Variants in GRIK4 observed in about 807,000 individuals in gnomAD.
GRIK4 encodes glutamate ionotropic receptor kainate type subunit 4, also known as glutamate receptor ionotropic, kainate 4.
A neutral mutation model predicts 104.9 loss-of-function variants in GRIK4; 40 were observed. The ratio of observed to expected loss-of-function variants is 0.38; its 90% CI spans 0.30 to 0.50. GRIK4 has a LOEUF of 0.50. GRIK4 is among the 20% of genes least tolerant of loss of function. The probability of loss-of-function intolerance (pLI) is 0.93; values close to 1 mark genes in which losing one functional copy is unlikely to be tolerated. For synonymous variants in GRIK4, 485 were observed against 524.9 expected, an observed-to-expected ratio of 0.92 and a Z score of 1.04; for missense variants, 1,047 against 1,308.1, an observed-to-expected ratio of 0.80 and a Z score of 3.08.
intron 3 of GRIK4, among the ~76,000 whole-genome samples, chr11:120,725,222 C>T (rs576729185): frequency 6.6e-6 from 1 of 152,246 alleles, no homozygotes; most frequent in East Asian, 1.9e-4. Flanking sequence ...AGCTGGTCTC[C>T]ATATCCAGCA....
Position 120,967,085 on chromosome 11 carries a change from C to G in GRIK4, c.2267-110C>G, listed in dbSNP as rs919544839. The G allele has an allele frequency of 8.9e-6, 11 of 1,235,418 alleles. No individual in the cohort carries two copies. Among genetic ancestry groups the G allele is most frequent in the African/African-American group, 7.5e-5 (5 of 66,520 alleles). The allele number at this position is 1,235,418 out of a possible 1,614,324, so 76.5% of individuals were successfully genotyped here. ...CCCGCTGCATCTGTCTGTCCCCTCT[C>G]GAGGTGAAAGCAGGCAGGGTGGCCA... On this transcript the variant is annotated intron_variant, in intron 18 of 20. Coordinates refer to ENST00000527524, the MANE Select transcript of GRIK4 (RefSeq NM_014619.5). The surrounding 1 kb of genome is among the most constrained non-coding windows in gnomAD (Gnocchi z 4.2).
chr11:120,517,483 G>A (rs979361305), intron 1 of GRIK4, among the ~76,000 whole-genome samples: 1 of 148,532 alleles, frequency 6.7e-6, no homozygotes, highest in Non-Finnish European at 1.5e-5. Context: ...TGAGGCAAAC[G>A]GTGCCCCCGC....
chr11:120,711,099 C>T (rs1166286607), intron 3 of GRIK4, among the ~76,000 whole-genome samples: 1 of 152,024 alleles, frequency 6.6e-6, no homozygotes, highest in Non-Finnish European at 1.5e-5. Context: ...CAGTGAGCTC[C>T]AAGTCAGTGT....
At chr11:120,985,380 T>G (rs1944725070) in intron 20 of GRIK4, among the ~76,000 whole-genome samples, 1 of 152,188 alleles carries the variant, frequency 6.6e-6, no homozygotes, top group Non-Finnish European at 1.5e-5. Flanking sequence ...GTTTTGGTTA[T>G]CATGAGGATA....
At chr11:120,970,144 C>T (rs557656536) in intron 19 of GRIK4, among the ~76,000 whole-genome samples, 30 of 152,320 alleles carry the variant, frequency 2.0e-4, no homozygotes, top group African/African-American at 6.5e-4. Context: ...GTCATGCTAA[C>T]GTGACTCATG....
chr11:120,650,623 TG>T (rs1949604511), intron 1 of GRIK4, among the ~76,000 whole-genome samples: 1 of 152,242 alleles, frequency 6.6e-6, no homozygotes, highest in Non-Finnish European at 1.5e-5. Context: ...TCAAGACACC[TG>T]AATATCTGAT....
At chr11:120,780,105 A>G (rs902648266) in intron 3 of GRIK4, among the ~76,000 whole-genome samples, 4 of 152,244 alleles carry the variant, frequency 2.6e-5, no homozygotes, top group African/African-American at 9.6e-5. Context: ...CAAATGAGAC[A>G]CATGTGTGAA....
In GRIK4 at chr11:120,962,580, T is replaced by A. The variant is rs1378959727; in HGVS notation, c.2165T>A (p.Leu722Gln). ...RVLNSNYAFL[L>Q]ESTMNEYYRQ... ...TTGAATTCCAACTACGCCTTCCTCC[T>A]GGAATCCACCATGAACGAGTACTAT... The change falls in exon 18 of 21, where the codon CTG becomes CAG. Residue 722 changes from leucine (L) to glutamine (Q), a missense_variant. Coordinates refer to ENST00000527524, the MANE Select transcript of GRIK4 (RefSeq NM_014619.5). 3 of 1,614,106 alleles carry A rather than the reference T, an allele frequency of 1.9e-6. No homozygotes were observed.
chr11:120,710,333 C>T (rs927065418), intron 3 of GRIK4, among the ~76,000 whole-genome samples: 1 of 152,120 alleles, frequency 6.6e-6, no homozygotes, highest in Non-Finnish European at 1.5e-5. Flanking sequence ...GGCCGAGTCA[C>T]CGGGAGGTTA....
At chr11:120,920,365 C>A (rs189728252) in intron 13 of GRIK4, among the ~76,000 whole-genome samples, 162 of 152,246 alleles carry the variant, frequency 1.1e-3, no homozygotes, top group African/African-American at 3.7e-3. Flanking sequence ...AGCTCCTCAG[C>A]CTCACCCACC....
chr11:120,964,699 A>C (rs1944352902), intron 18 of GRIK4, among the ~76,000 whole-genome samples: 1 of 152,190 alleles, frequency 6.6e-6, no homozygotes. Flanking sequence ...CCAAGGAAAA[A>C]TGGAAGGAAA....
At chr11:120,984,241 A>AT (rs1335445083) in intron 20 of GRIK4, among the ~76,000 whole-genome samples, 1 of 152,224 alleles carries the variant, frequency 6.6e-6, no homozygotes, top group Non-Finnish European at 1.5e-5. Flanking sequence ...CATTGGTAGA[A>AT]TTGGACGAAA....
At chr11:120,937,599 A>G (rs1335937283) in intron 13 of GRIK4, among the ~76,000 whole-genome samples, 1 of 152,102 alleles carries the variant, frequency 6.6e-6, no homozygotes, top group Non-Finnish European at 1.5e-5. Context: ...GGAAAGAAAG[A>G]CTGGGACTGG....
intron 1 of GRIK4, among the ~76,000 whole-genome samples, chr11:120,626,632 G>T (rs1053626437): frequency 3.3e-5 from 5 of 152,066 alleles, no homozygotes; most frequent in Admixed American, 3.3e-4. Context: ...TTTCCCCAGG[G>T]AACAGTAGTC....
At chr11:120,948,334 A>G (rs1943914244) in intron 14 of GRIK4, among the ~76,000 whole-genome samples, 1 of 152,156 alleles carries the variant, frequency 6.6e-6, no homozygotes, top group African/African-American at 2.4e-5. Flanking sequence ...CTGGGAGGGG[A>G]TAGAGTTTCA....
At chr11:120,585,805 T>G (rs1041864535) in intron 1 of GRIK4, among the ~76,000 whole-genome samples, 1 of 152,048 alleles carries the variant, frequency 6.6e-6, no homozygotes, top group Non-Finnish European at 1.5e-5. Flanking sequence ...GATACGTTTT[T>G]GAGATAAGGA....
intron 5 of GRIK4, among the ~76,000 whole-genome samples, chr11:120,815,893 C>A (rs1282937431): frequency 6.6e-6 from 1 of 152,162 alleles, no homozygotes; most frequent in Non-Finnish European, 1.5e-5. Context: ...GGAAGAATGC[C>A]TTCGGGGAAG....
intron 3 of GRIK4, among the ~76,000 whole-genome samples, chr11:120,792,462 G>A (rs1439906135): frequency 6.6e-6 from 1 of 152,074 alleles, no homozygotes; most frequent in South Asian, 2.1e-4. Flanking sequence ...GAGAGGGTGT[G>A]GTTGAGGAGC....
At chr11:120,822,232 A>AGAAAAG (rs1953146734) in intron 6 of GRIK4, among the ~76,000 whole-genome samples, 1 of 147,080 alleles carries the variant, frequency 6.8e-6, no homozygotes, top group African/African-American at 2.7e-5. Context: ...AAAAAAAAAA[A>AGAAAAG]AAAGACAGTA....
Sources: allele counts gnomAD v4.1 joint callset (sites outside exome capture counted in the v4.1 genomes callset), GRCh38; gene constraint gnomAD v4.1.1; non-coding constraint Gnocchi (gnomAD v3.1); transcripts MANE v1.5; gene names NCBI Gene and HGNC (gene_info 2026-07-23, HGNC 2026-07-21).